Variants in HAUS2 observed in about 807,000 individuals in gnomAD.
HAUS2 encodes the protein HAUS augmin-like complex subunit 2.
Under a neutral mutation model 21.6 loss-of-function variants are expected in HAUS2, and 20 were observed. The observed-to-expected ratio is 0.93, with a 90% confidence interval of 0.65 to 1.35. The LOEUF is 1.35. Among genes scored for constraint, HAUS2 ranks in the 40% most tolerant of loss-of-function variants. The pLI is 0.00. For missense variants in HAUS2, 297 were observed against 280.7 expected (o/e 1.06, Z -0.42); for synonymous variants, 113 against 95.6 (o/e 1.18, Z -1.06).
In HAUS2 at chr15:42,568,564, C is replaced by G. The variant is rs1331891104; in HGVS notation, c.*1748C>G. On this transcript the variant is annotated 3_prime_UTR_variant, in exon 6 of 6. Transcript: ENST00000260372. ...TTTGGGGGACATATTTAAACCTTAA[C>G]AGGAGGGCTCCACTCACTGAAAAGA... 6.8e-6 allele frequency: 1 copy of G among 146,906 alleles called. No individual in the cohort carries two copies. The highest frequency in any genetic ancestry group is 1.5e-5 in the Non-Finnish European group (1 of 68,006). The allele number at this position is 146,906 out of a possible 1,614,324, so 9.1% of individuals were successfully genotyped here.
chr15:42,557,065 A>C (rs1346703992), intron 1 of HAUS2, among the ~76,000 whole-genome samples: 1 of 151,018 alleles, frequency 6.6e-6, no homozygotes, highest in African/African-American at 2.4e-5. Context: ...CTGTAATCGC[A>C]GCATTTTGGG....
At chr15:42,566,321 T>C (rs537811672) in intron 5 of HAUS2, among the ~76,000 whole-genome samples, 2 of 152,330 alleles carry the variant, frequency 1.3e-5, no homozygotes, top group Non-Finnish European at 2.9e-5. Context: ...TACATCCAGA[T>C]AGAGATTACC....
At chr15:42,562,315 G>T (rs890781084) in intron 4 of HAUS2, among the ~76,000 whole-genome samples, 1 of 152,218 alleles carries the variant, frequency 6.6e-6, no homozygotes, top group Admixed American at 6.5e-5. Context: ...ACAAAACAAG[G>T]CTGGGCACAG....
rs1273354299 is a variant in HAUS2, at chr15:42,566,633, A to G, written c.525A>G (p.Ile175Met). 1.9e-6 allele frequency: 3 copies of G among 1,604,200 alleles called. No homozygotes were observed. Among genetic ancestry groups the G allele is most frequent in the Admixed American group, 1.7e-5 (1 of 60,004 alleles). ...ACCAGGCTTTAGCAAAGATGGATAT[A>G]TTGGTGACTGAGACAGAAGAACTGG... ...KMNQALAKMD[I>M]LVTETEELAE... The change falls in exon 6 of 6, where the codon ATA (isoleucine) becomes ATG (methionine). Residue 175 changes from isoleucine (I) to methionine (M), a missense_variant. Coordinates refer to ENST00000260372, the MANE Select transcript of HAUS2 (RefSeq NM_018097.3).
Position 42,559,402 on chromosome 15 carries a change from T to C in HAUS2, c.250T>C (p.Phe84Leu), listed in dbSNP as rs35404961. The C allele has an allele frequency of 1.8e-3, 2,949 of 1,594,438 alleles. 56 individuals carry two copies. The African/African-American group carries it at 0.036, about 20-fold the overall frequency. The change falls in exon 3 of 6, where the codon TTT becomes CTT. Residue 84 changes from phenylalanine (F) to leucine (L), a missense_variant. Coordinates refer to ENST00000260372, the MANE Select transcript of HAUS2 (RefSeq NM_018097.3). Reference sequence around the variant, plus strand: ...TACAGCAGATGTTGTTCATCCTTTCTTTTTGGGTAAGTGGTTTGGTTAAGT... The same window carrying C: ...TACAGCAGATGTTGTTCATCCTTTCCTTTTGGGTAAGTGGTTTGGTTAAGT... ...KDTADVVHPF[F>L]LAQKCHTLQS...
chr15:42,561,320 C>T lies in HAUS2; in HGVS notation c.307C>T (p.Leu103=). ...CATGAATAATCATTTGGAAGCAGTG[C>T]TGAAAGAGAAGAGATCCCTTAGGCA... ...QSMNNHLEAV[L]KEKRSLRQRL... Residue 103 remains leucine, a synonymous_variant, in exon 4 of 6, where the codon CTG becomes TTG. Coordinates refer to ENST00000260372, the MANE Select transcript of HAUS2 (RefSeq NM_018097.3). The T allele has an allele frequency of 6.4e-7, 1 of 1,567,172 alleles. No individual in the cohort carries two copies. The highest frequency in any genetic ancestry group is 8.8e-7 in the Non-Finnish European group (1 of 1,137,304).
intron 2 of HAUS2, among the ~76,000 whole-genome samples, chr15:42,558,530 T>C (rs957107770): frequency 1.3e-5 from 2 of 151,984 alleles, no homozygotes; most frequent in Non-Finnish European, 2.9e-5. Flanking sequence ...GGTTTCACCA[T>C]GTTAGCCAGG....
chr15:42,568,514 T>A lies in HAUS2; in HGVS notation c.*1698T>A, dbSNP rs2057928922. On this transcript the variant is annotated 3_prime_UTR_variant, in exon 6 of 6. Transcript: ENST00000260372. ...AAGGTCTCATAACACTTTTACAATG[T>A]CAATTAAATTTCCAACACTTGAACT... 5.9e-5 allele frequency: 9 copies of A among 152,376 alleles called. No homozygotes were observed. In the South Asian group the frequency reaches 1.9e-3, roughly 32 times the overall value. 9.4% of individuals were successfully genotyped at this position (152,376 alleles called of 1,614,324 possible).
At chr15:42,560,952 CTT>C (rs1416323620) in intron 3 of HAUS2, 2 of 636,486 alleles carry the variant, frequency 3.1e-6, no homozygotes, top group Non-Finnish European at 5.6e-6. Flanking sequence ...GGAAAAAAGA[CTT>C]TGTGTTAAGA....
At chr15:42,550,444 G>A (rs1381991659) in intron 1 of HAUS2, among the ~76,000 whole-genome samples, 3 of 152,152 alleles carry the variant, frequency 2.0e-5, no homozygotes. Context: ...ATGGTCACTA[G>A]ACTGTTAAAG....
intron 1 of HAUS2, among the ~76,000 whole-genome samples, chr15:42,551,092 T>A (rs948547549): frequency 5.3e-5 from 8 of 150,464 alleles, no homozygotes; most frequent in African/African-American, 2.0e-4. Context: ...GCCACCTGGG[T>A]TCAATCAATT....
intron 1 of HAUS2, among the ~76,000 whole-genome samples, chr15:42,553,303 G>A (rs1310877162): frequency 6.6e-6 from 1 of 152,066 alleles, no homozygotes; most frequent in East Asian, 1.9e-4. Context: ...CTGGATTTGA[G>A]CTTCTTCTTG....
intron 4 of HAUS2, among the ~76,000 whole-genome samples, chr15:42,562,762 G>A (rs1052118886): frequency 7.9e-5 from 12 of 152,204 alleles, no homozygotes; most frequent in African/African-American, 2.9e-4. Flanking sequence ...GGCTATTTCA[G>A]TTAAGTACAT....
intron 3 of HAUS2, chr15:42,560,750 A>C (rs903138806): frequency 1.4e-6 from 1 of 698,812 alleles, no homozygotes; most frequent in African/African-American, 1.8e-5. Flanking sequence ...CACCATGCCC[A>C]GCTAATTTTT....
chr15:42,567,081 G>T lies in HAUS2; in HGVS notation c.*265G>T. ...ATATAAGTGAATTAACCATTTCTCA[G>T]GTGGGAAATTCTCTTTTTTTAAAAA... On this transcript the variant is annotated 3_prime_UTR_variant, in exon 6 of 6. Coordinates refer to ENST00000260372, the MANE Select transcript of HAUS2 (RefSeq NM_018097.3). The T allele has an allele frequency of 7.1e-6, 2 of 280,318 alleles. No homozygotes were observed. The highest frequency in any genetic ancestry group is 1.4e-5 in the Non-Finnish European group (2 of 147,860). 17.4% of individuals were successfully genotyped at this position (280,318 alleles called of 1,614,324 possible).
At position 42,560,658 on chromosome 15, in the gene HAUS2, C is replaced by G. The variant is rs996985373; in HGVS notation, c.257-612C>G. On this transcript the variant is annotated intron_variant, in intron 3 of 5. Coordinates refer to ENST00000260372, the MANE Select transcript of HAUS2 (RefSeq NM_018097.3). ...TTTTAAGAGTGTGTCACTCTGTAAC[C>G]CAGGCTGAAGTACAGGTCGCTGTAA... 2.3e-5 allele frequency: 13 copies of G among 561,480 alleles called. No individual in the cohort carries two copies. In the East Asian group the frequency reaches 4.1e-4, roughly 18 times the overall value. The allele number at this position is 561,480 out of a possible 1,614,324, so 34.8% of individuals were successfully genotyped here. A position where few individuals can be genotyped will look rare whatever the true frequency, so the allele number is the denominator to read the frequency against.
intron 3 of HAUS2, chr15:42,560,785 T>G (rs1351772154): frequency 1.4e-6 from 1 of 702,008 alleles, no homozygotes; most frequent in East Asian, 2.7e-5. Flanking sequence ...TTTGTAGAGA[T>G]GAAGTCTTGC....
chr15:42,565,387 A>ATGTGTGTGTGTGTGTG (rs139933934), intron 5 of HAUS2, among the ~76,000 whole-genome samples: 7 of 136,394 alleles, frequency 5.1e-5, no homozygotes, highest in African/African-American at 1.8e-4. Flanking sequence ...GAGCCATTGA[A>ATGTGTGTGTGTGTGTG]TGTGTGTGTG....
Position 42,566,819 on chromosome 15 carries a change from A to T in HAUS2, c.*3A>T, listed in dbSNP as rs368264840. ...TCCAAACTATTAATGCCAAGTAGTC[A>T]TCAACTTTATTTTTGCTTAATTATG... On this transcript the variant is annotated 3_prime_UTR_variant, in exon 6 of 6. Transcript: ENST00000260372. 4 of 1,412,562 alleles carry T rather than the reference A, an allele frequency of 2.8e-6. No individual in the cohort carries two copies. Among genetic ancestry groups the T allele is most frequent in the African/African-American group, 1.4e-5 (1 of 70,814 alleles). The allele number at this position is 1,412,562 out of a possible 1,614,324, so 87.5% of individuals were successfully genotyped here.
Sources: allele counts gnomAD v4.1 joint callset (sites outside exome capture counted in the v4.1 genomes callset), GRCh38; gene constraint gnomAD v4.1.1; transcripts MANE v1.5; gene names NCBI Gene and HGNC (gene_info 2026-07-23, HGNC 2026-07-21).